Variants in RALGAPA1 observed in about 807,000 individuals in gnomAD.
RALGAPA1 encodes Ral GTPase activating protein catalytic subunit alpha 1.
In RALGAPA1, 52 loss-of-function variants were observed where a neutral mutation model predicts 269.6. The observed-to-expected ratio is 0.19, with a 90% CI of 0.15 to 0.24. RALGAPA1 has a LOEUF of 0.24. Ranked by LOEUF, RALGAPA1 falls within the 10% of genes least tolerant of loss-of-function variation. The pLI is 1.00. For synonymous variants in RALGAPA1, 817 were observed against 1,008.3 expected, an observed-to-expected ratio of 0.81 and a Z score of 3.60; for missense variants, 1,917 against 3,013.9, an observed-to-expected ratio of 0.64 and a Z score of 8.52.
At chr14:35,652,383 T>TAC (rs1555390798) in intron 30 of RALGAPA1, among the ~76,000 whole-genome samples, 85 of 148,792 alleles carry the variant, frequency 5.7e-4, no homozygotes, top group Middle Eastern at 3.4e-3. Flanking sequence ...TATATATATA[T>TAC]ACACACACAC....
intron 41 of RALGAPA1, 107 bp from the exon 42 acceptor site, chr14:35,539,797 T>C (rs1034981209): frequency 1.1e-5 from 17 of 1,489,594 alleles, no homozygotes; most frequent in Non-Finnish European, 1.4e-5. Flanking sequence ...CTTAATAAGA[T>C]CTTTCGAGGG....
At chr14:35,609,380 A>C (rs1263891231) in intron 35 of RALGAPA1, among the ~76,000 whole-genome samples, 1 of 152,182 alleles carries the variant, frequency 6.6e-6, no homozygotes, top group African/African-American at 2.4e-5. Flanking sequence ...AAATGTAACA[A>C]TTTACTCCTA....
chr14:35,634,543 A>G, intron 33 of RALGAPA1, 31 bp downstream of exon 33: 1 of 1,533,936 alleles, frequency 6.5e-7, no homozygotes, highest in Non-Finnish European at 8.8e-7. Context: ...AACCCAAGCA[A>G]CAATATTGTC....
chr14:35,631,153 A>G (rs932695196), intron 33 of RALGAPA1, among the ~76,000 whole-genome samples: 3 of 152,168 alleles, frequency 2.0e-5, no homozygotes, highest in Non-Finnish European at 4.4e-5. Flanking sequence ...GGGATAATCT[A>G]GCTGGTATTC....
chr14:35,789,511 G>C (rs1310515585), intron 1 of RALGAPA1, among the ~76,000 whole-genome samples: 1 of 152,092 alleles, frequency 6.6e-6, no homozygotes, highest in African/African-American at 2.4e-5. Context: ...AGAATCACTT[G>C]AACCTGGAAG....
chr14:35,793,508 A>G (rs1431067614), intron 1 of RALGAPA1, among the ~76,000 whole-genome samples: 3 of 152,072 alleles, frequency 2.0e-5, no homozygotes, highest in African/African-American at 7.2e-5. Flanking sequence ...TGCTGGGATT[A>G]CAGGCGTGAG....
At chr14:35,648,554 G>A (rs1040361721) in intron 31 of RALGAPA1, among the ~76,000 whole-genome samples, 6 of 151,980 alleles carry the variant, frequency 3.9e-5, no homozygotes, top group Admixed American at 2.6e-4. Context: ...AGGCCAAGGC[G>A]GGCGGTTCAC....
intron 35 of RALGAPA1, among the ~76,000 whole-genome samples, chr14:35,608,748 G>A (rs562256421): frequency 6.6e-6 from 1 of 152,286 alleles, no homozygotes; most frequent in African/African-American, 2.4e-5. Flanking sequence ...AATAATAGTT[G>A]AAGATTTTAA....
intron 28 of RALGAPA1, among the ~76,000 whole-genome samples, chr14:35,656,576 T>C (rs938662012): frequency 6.6e-6 from 1 of 152,212 alleles, no homozygotes; most frequent in African/African-American, 2.4e-5. Context: ...TCTGATAAAA[T>C]GTATAATGGT....
chr14:35,766,999 C>A, intron 4 of RALGAPA1: 1 of 367,662 alleles, frequency 2.7e-6, no homozygotes. Flanking sequence ...TTACAGTAGC[C>A]AGATGGCTTG....
chr14:35,762,551 C>T (rs931347418), intron 5 of RALGAPA1, among the ~76,000 whole-genome samples, 159 bp downstream of exon 5: 1 of 152,194 alleles, frequency 6.6e-6, no homozygotes, highest in Non-Finnish European at 1.5e-5. Context: ...CCACTGCACC[C>T]AGCCTCTTGC....
chr14:35,558,715 C>T (rs1226854647), intron 39 of RALGAPA1, among the ~76,000 whole-genome samples: 1 of 151,964 alleles, frequency 6.6e-6, no homozygotes. Flanking sequence ...GTAAAGCAAC[C>T]CCTTCCCCTC....
intron 16 of RALGAPA1, among the ~76,000 whole-genome samples, chr14:35,716,861 G>T (rs1405824692): frequency 6.6e-6 from 1 of 152,076 alleles, no homozygotes; most frequent in East Asian, 1.9e-4. Flanking sequence ...CTATAAACTA[G>T]AAGTTAGGTA....
Position 35,702,722 on chromosome 14 carries a change from A to AT in RALGAPA1, c.2267-2421_2267-2420insA, listed in dbSNP as rs375786334. 4.1e-3 allele frequency among the ~76,000 whole-genome samples: 476 copies of AT among 115,470 alleles called. 7 individuals carry two copies. The highest frequency in any genetic ancestry group is 0.025 in the East Asian group (118 of 4,680). 75.8% of individuals were successfully genotyped at this position (115,470 alleles called of 152,430 possible). A position where few individuals can be genotyped will look rare whatever the true frequency, so the allele number is the denominator to read the frequency against. ...GTTGTAATCACCTTTAATTAAAAAA[A>AT]AAAAATATATATATATATACATTTT... On this transcript the variant is annotated intron_variant, in intron 16 of 41. Coordinates refer to ENST00000680220, the MANE Select transcript of RALGAPA1 (RefSeq NM_001346249.2).
At chr14:35,798,828 A>G (rs8019535) in intron 1 of RALGAPA1, among the ~76,000 whole-genome samples, 9,433 of 152,116 alleles carry the variant, frequency 0.062, 825 homozygotes, top group African/African-American at 0.18. Flanking sequence ...ATCTCTACTA[A>G]AAATACTAAA....
At chr14:35,792,133 AG>A (rs930092418) in intron 1 of RALGAPA1, among the ~76,000 whole-genome samples, 18 of 151,954 alleles carry the variant, frequency 1.2e-4, no homozygotes, top group African/African-American at 3.6e-4. Flanking sequence ...AAAGCCATAG[AG>A]GGTTTTAGAG....
chr14:35,581,788 T>C (rs2057969074), intron 37 of RALGAPA1, among the ~76,000 whole-genome samples: 1 of 152,138 alleles, frequency 6.6e-6, no homozygotes, highest in Non-Finnish European at 1.5e-5. Flanking sequence ...CTGGTGGAAA[T>C]ATAAAATGAT....
intron 13 of RALGAPA1, among the ~76,000 whole-genome samples, chr14:35,725,735 A>G (rs1175138766): frequency 1.3e-5 from 2 of 151,726 alleles, no homozygotes; most frequent in African/African-American, 2.4e-5. Flanking sequence ...GTGTGGTGGC[A>G]CATGCCTATA....
chr14:35,769,035 AAT>A (rs200538547), intron 4 of RALGAPA1, among the ~76,000 whole-genome samples: 5,617 of 58,184 alleles, frequency 0.097, 639 homozygotes, highest in Non-Finnish European at 0.12. Context: ...AAAAAAAAAA[AAT>A]ATATATATAT....
Sources: allele counts gnomAD v4.1 joint callset (sites outside exome capture counted in the v4.1 genomes callset), GRCh38; gene constraint gnomAD v4.1.1; transcripts MANE v1.5; gene names NCBI Gene and HGNC (gene_info 2026-07-23, HGNC 2026-07-21).